ABCC2: variants seen among roughly 807,000 people sequenced by gnomAD.
The protein encoded by ABCC2 is ATP binding cassette subfamily C member 2, also known as ATP-binding cassette sub-family C member 2.
A neutral mutation model predicts 173.4 loss-of-function variants in ABCC2; 157 were observed. The ratio of observed to expected loss-of-function variants is 0.91; its 90% confidence interval spans 0.80 to 1.03. The LOEUF is 1.03. Ranked by LOEUF, ABCC2 falls within the 50% of genes least tolerant of loss-of-function variation. The pLI, the probability that ABCC2 is intolerant of heterozygous loss-of-function variation, is 0.00. For synonymous variants in ABCC2, 657 were observed against 693.5 expected, an observed-to-expected ratio of 0.95 and a Z score of 0.83; for missense variants, 1,822 against 1,852.3, an observed-to-expected ratio of 0.98 and a Z score of 0.30.
chr10:99,784,793 A>G lies in ABCC2; in HGVS notation c.207+12A>G, dbSNP rs2037677713. On this transcript the variant is annotated intron_variant, in intron 2 of 31. Coordinates refer to ENST00000647814, the MANE Select transcript of ABCC2 (RefSeq NM_000392.5). The stretch of plus-strand genomic sequence containing the variant: ...ATCTTGCTAAGCAGGTAAAGTTAAC[A>G]CCACTGTTTCTGAACTCTAATTCCT... 1 of 1,613,016 alleles carries G rather than the reference A, an allele frequency of 6.2e-7. No homozygotes were observed. Among genetic ancestry groups the G allele is most frequent in the African/African-American group, 1.3e-5 (1 of 74,702 alleles).
intron 16 of ABCC2, among the ~76,000 whole-genome samples, 195 bp downstream of exon 16, chr10:99,813,339 C>T (rs2038249931): frequency 6.6e-6 from 1 of 152,146 alleles, no homozygotes; most frequent in Non-Finnish European, 1.5e-5. Flanking sequence ...TGGGAATCTG[C>T]ATTTTTAATG....
chr10:99,814,213 GTGTA>G (rs2038289512), intron 16 of ABCC2, among the ~76,000 whole-genome samples: 1 of 54,628 alleles, frequency 1.8e-5, no homozygotes, highest in Admixed American at 1.8e-4. Flanking sequence ...ATACACACAT[GTGTA>G]TATATACACA....
At chr10:99,812,426 C>T (rs560753960) in intron 15 of ABCC2, among the ~76,000 whole-genome samples, 1 of 152,344 alleles carries the variant, frequency 6.6e-6, no homozygotes, top group East Asian at 1.9e-4. Flanking sequence ...AATAACAGGG[C>T]TGGCACACAC....
At chr10:99,840,963 A>T (rs922073724) in intron 25 of ABCC2, among the ~76,000 whole-genome samples, 2 of 152,034 alleles carry the variant, frequency 1.3e-5, no homozygotes, top group Non-Finnish European at 2.9e-5. Context: ...CTGAGGTGTG[A>T]ACCAGAGCCC....
chr10:99,807,352 CAT>C (rs1384512505), intron 11 of ABCC2, 30 bp from the exon 12 acceptor site: 2 of 1,613,990 alleles, frequency 1.2e-6, no homozygotes, highest in Non-Finnish European at 8.5e-7. Context: ...CAGGGGCAAT[CAT>C]GTGAGCTGTA....
chr10:99,792,327 T>G lies in ABCC2; in HGVS notation c.301T>G (p.Tyr101Asp). ...SGQATVPAVR[Y>D]TNPSLYLGTW... ...ACAAGCCACAGTCCCTGCTGTTCGA[T>G]ATACCAATCCAAGCCTCTACCTAGG... The change falls in exon 3 of 32, where the codon TAT becomes GAT. Residue 101 changes from tyrosine (Y) to aspartate (D), a missense_variant. Coordinates refer to ENST00000647814, the MANE Select transcript of ABCC2 (RefSeq NM_000392.5). The G allele has an allele frequency of 3.1e-6, 5 of 1,614,136 alleles. No homozygotes were observed. Among genetic ancestry groups the G allele is most frequent in the Non-Finnish European group, 4.2e-6 (5 of 1,179,978 alleles).
intron 11 of ABCC2, among the ~76,000 whole-genome samples, chr10:99,806,079 G>C (rs2756110): frequency 0.079 from 68 of 858 alleles, no homozygotes; most frequent in Admixed American, 0.2. Context: ...CTCTCTGTCT[G>C]TGTGTGTGTG....
chr10:99,823,439 A>G (rs201458698), intron 19 of ABCC2, among the ~76,000 whole-genome samples: 77 of 145,642 alleles, frequency 5.3e-4, no homozygotes, highest in South Asian at 6.6e-4. Context: ...TTAACTGATC[A>G]TCCATGCTAT....
At chr10:99,814,313 A>ACACACACG (rs2038307973) in intron 16 of ABCC2, among the ~76,000 whole-genome samples, 1 of 128,982 alleles carries the variant, frequency 7.8e-6, no homozygotes. Context: ...ACACATGTAT[A>ACACACACG]TACACACGTA....
chr10:99,845,388 G>A (rs2039002198), intron 28 of ABCC2, among the ~76,000 whole-genome samples: 1 of 152,142 alleles, frequency 6.6e-6, no homozygotes, highest in African/African-American at 2.4e-5. Context: ...AACAACAGCT[G>A]CCAAGAGAGT....
intron 19 of ABCC2, among the ~76,000 whole-genome samples, chr10:99,824,655 G>A (rs572286219): frequency 5.9e-5 from 9 of 152,042 alleles, no homozygotes; most frequent in East Asian, 3.9e-4. Context: ...ATCCTGCTCC[G>A]CCAGAGGGAT....
chr10:99,816,160 G>T (rs535073136), intron 16 of ABCC2, among the ~76,000 whole-genome samples: 14 of 152,016 alleles, frequency 9.2e-5, no homozygotes, highest in Non-Finnish European at 1.8e-4. Context: ...TAGAGACAGG[G>T]TTTCACCATC....
intron 10 of ABCC2, among the ~76,000 whole-genome samples, 187 bp downstream of exon 10, chr10:99,804,460 T>C (rs548895727): frequency 6.6e-6 from 1 of 152,264 alleles, no homozygotes; most frequent in South Asian, 2.1e-4. Context: ...AGGGTTTATA[T>C]ATACTCCTCT....
intron 3 of ABCC2, 89 bp from the exon 4 acceptor site, chr10:99,793,462 C>A: frequency 6.3e-7 from 1 of 1,582,020 alleles, no homozygotes; most frequent in Admixed American, 1.7e-5. Context: ...CTCAGCCCTC[C>A]TTTCTTCCCA....
intron 19 of ABCC2, among the ~76,000 whole-genome samples, chr10:99,824,328 C>T (rs1313286168): frequency 6.8e-6 from 1 of 147,322 alleles, no homozygotes; most frequent in African/African-American, 2.5e-5. Context: ...TATCTGCATC[C>T]CTAAATAATG....
intron 16 of ABCC2, among the ~76,000 whole-genome samples, 194 bp downstream of exon 16, chr10:99,813,338 G>T (rs2038249883): frequency 6.6e-6 from 1 of 152,186 alleles, no homozygotes; most frequent in Non-Finnish European, 1.5e-5. Context: ...TTGGGAATCT[G>T]CATTTTTAAT....
At chr10:99,791,778 T>C (rs951921107) in intron 2 of ABCC2, among the ~76,000 whole-genome samples, 1 of 152,180 alleles carries the variant, frequency 6.6e-6, no homozygotes, top group African/African-American at 2.4e-5. Context: ...GCTATTGGAG[T>C]GTCCTCATGA....
chr10:99,815,397 T>C (rs1045645022), intron 16 of ABCC2, among the ~76,000 whole-genome samples: 2 of 152,178 alleles, frequency 1.3e-5, no homozygotes, highest in African/African-American at 2.4e-5. Context: ...GGTTTTGCCA[T>C]GTTGGCCAGG....
In ABCC2 at chr10:99,782,717, C is replaced by A; in HGVS notation, c.-128C>A. On this transcript the variant is annotated 5_prime_UTR_variant, in exon 1 of 32. Transcript: ENST00000647814. ...CGATTAAATGGTTGGGATGAAAGGT[C>A]ATCCTTTACGGAGAACATCAGAATG... is the stretch of plus-strand genomic sequence containing the variant. The A allele has an allele frequency of 9.1e-7, 1 of 1,098,612 alleles. No individual in the cohort carries two copies. Among genetic ancestry groups the A allele is most frequent in the Non-Finnish European group, 1.4e-6 (1 of 730,082 alleles). 68.1% of individuals were successfully genotyped at this position (1,098,612 alleles called of 1,614,324 possible).
Sources: allele counts gnomAD v4.1 joint callset (sites outside exome capture counted in the v4.1 genomes callset), GRCh38; gene constraint gnomAD v4.1.1; transcripts MANE v1.5; gene names NCBI Gene and HGNC (gene_info 2026-07-23, HGNC 2026-07-21).